The following SND1 variants were observed in gnomAD, a reference collection of about 807,000 sequenced individuals.
SND1 encodes the protein staphylococcal nuclease and tudor domain containing 1.
SND1 carries 38 observed loss-of-function variants against 121.7 expected under a neutral mutation model. That is an observed-to-expected ratio of 0.31 (90% confidence interval 0.24 to 0.41). The LOEUF (loss-of-function observed/expected upper bound fraction) is 0.41. Ranked by LOEUF, SND1 falls within the 10% of genes least tolerant of loss-of-function variation. SND1 has a pLI of 1.00. For missense variants in SND1, 868 were observed against 1,184.6 expected (o/e 0.73, Z 3.92); for synonymous variants, 401 against 447.4 (o/e 0.90, Z 1.31).
intron 12 of SND1, among the ~76,000 whole-genome samples, chr7:127,878,175 A>C (rs1799725108): frequency 6.6e-6 from 1 of 152,154 alleles, no homozygotes; most frequent in East Asian, 1.9e-4. Flanking sequence ...AAGAATGATT[A>C]GGATTCATTA....
chr7:127,749,233 C>T (rs187790426), intron 10 of SND1, among the ~76,000 whole-genome samples: 1 of 152,112 alleles, frequency 6.6e-6, no homozygotes, highest in African/African-American at 2.4e-5. Flanking sequence ...CCATGTTGCC[C>T]AGGCTGGTCT....
At chr7:128,008,406 T>C (rs1331449692) in intron 16 of SND1, among the ~76,000 whole-genome samples, 1 of 152,070 alleles carries the variant, frequency 6.6e-6, no homozygotes, top group Non-Finnish European at 1.5e-5. Flanking sequence ...AAGCTTCAGA[T>C]AAGCCCGGAG....
intron 9 of SND1, among the ~76,000 whole-genome samples, chr7:127,720,405 G>GA (rs903337350): frequency 4.0e-5 from 6 of 150,778 alleles, no homozygotes; most frequent in African/African-American, 7.3e-5. Flanking sequence ...TTGCTTCAAA[G>GA]AAAAAAAAAG....
At chr7:128,000,366 T>TTG (rs1802796500) in intron 16 of SND1, among the ~76,000 whole-genome samples, 1 of 94,002 alleles carries the variant, frequency 1.1e-5, no homozygotes, top group African/African-American at 5.7e-5. Context: ...TTGCTTTTGC[T>TTG]TCTTTTTTTT....
At position 128,015,601 on chromosome 7, in the gene SND1, T is replaced by C. The variant is rs1217543326; in HGVS notation, c.1779+24545T>C. On this transcript the variant is annotated intron_variant, in intron 16 of 23. Transcript: ENST00000354725. The surrounding 1 kb of genome is among the most constrained non-coding windows in gnomAD (Gnocchi z 4.5). Reference sequence around the variant, plus strand: ...GGTGCTTAAAGGTAGTGCCCTGTAATACACCATTATAATCAATTAGTTTCC... The same window carrying C: ...GGTGCTTAAAGGTAGTGCCCTGTAACACACCATTATAATCAATTAGTTTCC... Among the ~76,000 whole-genome samples, 4 of 152,222 alleles carry C rather than the reference T, an allele frequency of 2.6e-5. No individual in the cohort carries two copies. Among genetic ancestry groups the C allele is most frequent in the Admixed American group, 2.6e-4 (4 of 15,284 alleles).
intron 1 of SND1, among the ~76,000 whole-genome samples, chr7:127,681,352 A>T (rs1346351265): frequency 6.6e-6 from 1 of 152,222 alleles, no homozygotes. Context: ...TTCTTATCAA[A>T]TTATGATAGT....
chr7:127,779,643 T>C (rs537397498), intron 10 of SND1, among the ~76,000 whole-genome samples: 1 of 152,150 alleles, frequency 6.6e-6, no homozygotes, highest in South Asian at 2.1e-4. Flanking sequence ...CACTTAATGG[T>C]TGGGGGTCAA....
intron 10 of SND1, among the ~76,000 whole-genome samples, chr7:127,743,503 A>T (rs1796921018): frequency 6.6e-6 from 1 of 152,194 alleles, no homozygotes; most frequent in African/African-American, 2.4e-5. Context: ...CTACATTTAA[A>T]GGTCACCACC....
At chr7:127,934,429 G>A (rs1037227722) in intron 15 of SND1, among the ~76,000 whole-genome samples, 2 of 152,110 alleles carry the variant, frequency 1.3e-5, no homozygotes, top group African/African-American at 4.8e-5. Context: ...GCTCAGACTC[G>A]GGTTAAGTAA....
intron 12 of SND1, among the ~76,000 whole-genome samples, chr7:127,846,142 T>C (rs1360343720): frequency 6.6e-6 from 1 of 152,230 alleles, no homozygotes; most frequent in African/African-American, 2.4e-5. Flanking sequence ...ACAGGTTGGT[T>C]GGTCTTAATT....
chr7:128,045,524 T>C (rs1402552911), intron 16 of SND1, among the ~76,000 whole-genome samples: 3 of 152,224 alleles, frequency 2.0e-5, no homozygotes, highest in African/African-American at 7.2e-5. Flanking sequence ...TTAGGGGGAT[T>C]CAGCCACCTA....
intron 16 of SND1, among the ~76,000 whole-genome samples, chr7:128,066,948 G>A (rs906869343): frequency 2.6e-5 from 4 of 152,120 alleles, no homozygotes; most frequent in African/African-American, 4.8e-5. Context: ...CTTGGGCTCC[G>A]AGTCATTATT....
intron 16 of SND1, among the ~76,000 whole-genome samples, chr7:128,054,143 G>A (rs1036341917): frequency 4.6e-5 from 7 of 152,190 alleles, no homozygotes; most frequent in African/African-American, 1.2e-4. Flanking sequence ...AGATGGAGTG[G>A]CGGTGGCATG....
chr7:127,820,918 C>T (rs914291020), intron 11 of SND1, among the ~76,000 whole-genome samples: 10 of 152,124 alleles, frequency 6.6e-5, no homozygotes, highest in African/African-American at 2.4e-4. Flanking sequence ...TTTCTTGTTT[C>T]TGTTCTTCTT....
intron 14 of SND1, among the ~76,000 whole-genome samples, chr7:127,922,612 G>A (rs992228741): frequency 2.6e-5 from 4 of 152,104 alleles, no homozygotes; most frequent in African/African-American, 9.7e-5. Context: ...AGTCTGATTG[G>A]AGAGTAATTG....
At position 128,024,872 on chromosome 7, in the gene SND1, G is replaced by A. The variant is rs1000056574; in HGVS notation, c.1779+33816G>A. On this transcript the variant is annotated intron_variant, in intron 16 of 23. Transcript: ENST00000354725. ...CTCCCAGTATTCTCATTGTTGAGCCGGGTAAGCAAAAACCACTCCATTATG... is the reference window on the plus strand; with the variant it reads ...CTCCCAGTATTCTCATTGTTGAGCCAGGTAAGCAAAAACCACTCCATTATG... 7.2e-5 allele frequency among the ~76,000 whole-genome samples: 11 copies of A among 152,254 alleles called. No individual in the cohort carries two copies. The East Asian group carries it at 1.5e-3, about 21-fold the overall frequency.
At chr7:127,792,880 C>T (rs1316847897) in intron 10 of SND1, among the ~76,000 whole-genome samples, 1 of 152,190 alleles carries the variant, frequency 6.6e-6, no homozygotes, top group Admixed American at 6.5e-5. Flanking sequence ...GAGCCACTGG[C>T]AGGAATAGGA....
chr7:127,830,336 T>C (rs752047989), intron 11 of SND1, among the ~76,000 whole-genome samples: 5 of 151,830 alleles, frequency 3.3e-5, no homozygotes, highest in Non-Finnish European at 7.4e-5. Context: ...TGAGCCGAGA[T>C]TGTGCCAAGA....
chr7:128,048,764 G>GTAT (rs970237790), intron 16 of SND1, among the ~76,000 whole-genome samples: 1 of 152,134 alleles, frequency 6.6e-6, no homozygotes, highest in African/African-American at 2.4e-5. Flanking sequence ...GTGATGCAGG[G>GTAT]TATATGTGTA....
Sources: gnomAD v4.1 joint callset for allele counts (sites outside exome capture counted in the v4.1 genomes callset) on GRCh38, gnomAD v4.1.1 for gene constraint, Gnocchi (gnomAD v3.1) non-coding constraint, MANE v1.5 for transcripts, NCBI Gene and HGNC (gene_info 2026-07-23, HGNC 2026-07-21) for gene names.